TMEM266: variants seen among roughly 807,000 people sequenced by gnomAD.
TMEM266 encodes the protein transmembrane protein 266, also known as Hv1 related protein 1.
In TMEM266, 33 loss-of-function variants were observed where a neutral mutation model predicts 50.5. The ratio of observed to expected loss-of-function variants is 0.65; its 90% confidence interval spans 0.50 to 0.87. The LOEUF is 0.87. Ranked by LOEUF, TMEM266 falls within the 40% of genes least tolerant of loss-of-function variation. The probability of loss-of-function intolerance (pLI) is 0.00; values close to 1 mark genes in which losing one functional copy is unlikely to be tolerated. For synonymous variants in TMEM266, 310 were observed against 292.3 expected, an observed-to-expected ratio of 1.06 and a Z score of -0.62; for missense variants, 655 against 695.1, an observed-to-expected ratio of 0.94 and a Z score of 0.65.
intron 3 of TMEM266, among the ~76,000 whole-genome samples, chr15:76,146,392 A>G (rs2037756261): frequency 6.6e-6 from 1 of 152,196 alleles, no homozygotes; most frequent in South Asian, 2.1e-4. Flanking sequence ...TAAGACAGTT[A>G]TTTTATATCT....
rs368553691 is a variant in TMEM266, at chr15:76,171,031, G to A, written c.552G>A (p.Pro184=). The change falls in exon 7 of 11, where the codon CCG becomes CCA. Residue 184 remains proline, a synonymous_variant. Coordinates refer to ENST00000388942, the MANE Select transcript of TMEM266 (RefSeq NM_152335.3). Reference sequence around the variant, plus strand: ...CTGTGATCATCCTATCTTTGGCTCCGATGGTGGCATCCACTGTGGCCAATG... The same window carrying A: ...CTGTGATCATCCTATCTTTGGCTCCAATGGTGGCATCCACTGTGGCCAATG... The A allele has an allele frequency of 9.5e-5, 153 of 1,613,022 alleles. No homozygotes were observed. The highest frequency in any genetic ancestry group is 5.8e-4 in the South Asian group (53 of 90,726).
intron 1 of TMEM266, among the ~76,000 whole-genome samples, chr15:76,123,248 G>A (rs747928636): frequency 9.2e-5 from 14 of 152,322 alleles, no homozygotes; most frequent in Non-Finnish European, 1.6e-4. Context: ...TGTTAATGGA[G>A]TAAAATATTA....
chr15:76,163,628 C>A (rs2038049897), intron 5 of TMEM266, among the ~76,000 whole-genome samples: 1 of 152,204 alleles, frequency 6.6e-6, no homozygotes, highest in Non-Finnish European at 1.5e-5. Context: ...CCACTTGGAA[C>A]TGGGAAGCCT....
At position 76,165,251 on chromosome 15, in the gene TMEM266, T is replaced by A. The variant is rs2038077473; in HGVS notation, c.457-4565T>A. Among the ~76,000 whole-genome samples the A allele has an allele frequency of 2.6e-5, 4 of 152,280 alleles. No homozygotes were observed. In the South Asian group the frequency reaches 8.3e-4, roughly 32 times the overall value. On this transcript the variant is annotated intron_variant, in intron 5 of 10. Transcript: ENST00000388942. ...TGGAAGAGATGAGGGGAGTCCCTTC[T>A]TGAGAGCAGGGCTTGACCAGGAGCA...
chr15:76,112,311 T>C (rs1030603626), intron 1 of TMEM266, among the ~76,000 whole-genome samples: 3 of 152,196 alleles, frequency 2.0e-5, no homozygotes, highest in African/African-American at 7.2e-5. Context: ...TTAATAACAA[T>C]GTATCAATAT....
intron 7 of TMEM266, 180 bp from the exon 8 acceptor site, chr15:76,175,379 C>T (rs891041859): frequency 1.0e-5 from 6 of 576,812 alleles, no homozygotes; most frequent in African/African-American, 1.9e-5. Flanking sequence ...ACACCATGAG[C>T]GAAGGCTGTG....
chr15:76,156,382 A>AAAAGG (rs1305975786), intron 3 of TMEM266, among the ~76,000 whole-genome samples: 2 of 151,596 alleles, frequency 1.3e-5, no homozygotes, highest in African/African-American at 2.4e-5. Context: ...AAAAGAAAAG[A>AAAAGG]AAAAAAAAGT....
rs1318600986 is a variant in TMEM266, at chr15:76,139,087, T to C, written c.227+1192T>C. ...CTTTCCTGGGTGCCAGTAAACACTT[T>C]GGAACATGCTGGCTGCTTTGAATAT... On this transcript the variant is annotated intron_variant, in intron 3 of 10. Transcript: ENST00000388942. This position sits in a 1 kb window ranked among gnomAD's most constrained non-coding sequence, Gnocchi z 4.1. Among the ~76,000 whole-genome samples the C allele has an allele frequency of 6.6e-6, 1 of 152,162 alleles. No individual in the cohort carries two copies. The highest frequency in any genetic ancestry group is 6.5e-5 in the Admixed American group (1 of 15,270).
intron 8 of TMEM266, among the ~76,000 whole-genome samples, chr15:76,177,178 T>C (rs1254281154): frequency 1.3e-5 from 2 of 152,184 alleles, no homozygotes; most frequent in Admixed American, 6.5e-5. Flanking sequence ...TGGTCAGTGC[T>C]CCTTTATGCC....
intron 3 of TMEM266, among the ~76,000 whole-genome samples, chr15:76,146,574 C>T (rs1438387833): frequency 1.3e-5 from 2 of 152,050 alleles, no homozygotes; most frequent in Admixed American, 6.5e-5. Flanking sequence ...ATAATGGGGG[C>T]ACAGGGATAT....
At chr15:76,184,953 C>T (rs536766885) in intron 8 of TMEM266, among the ~76,000 whole-genome samples, 1 of 152,288 alleles carries the variant, frequency 6.6e-6, no homozygotes, top group Non-Finnish European at 1.5e-5. Flanking sequence ...CCACCGGGCC[C>T]ATTTGCCAAT....
At chr15:76,096,303 C>T (rs556657086) in intron 1 of TMEM266, among the ~76,000 whole-genome samples, 2 of 151,878 alleles carry the variant, frequency 1.3e-5, no homozygotes, top group Middle Eastern at 3.4e-3. Flanking sequence ...GATTCTGAAA[C>T]GTTGTGTTTT....
At chr15:76,166,086 A>G (rs1241414409) in intron 5 of TMEM266, among the ~76,000 whole-genome samples, 1 of 152,190 alleles carries the variant, frequency 6.6e-6, no homozygotes, top group African/African-American at 2.4e-5. Flanking sequence ...ATTGAGAAGC[A>G]CAGGCAGTCC....
intron 1 of TMEM266, among the ~76,000 whole-genome samples, chr15:76,120,161 T>C (rs73446414): frequency 0.025 from 3,822 of 151,972 alleles, 167 homozygotes; most frequent in African/African-American, 0.088. Context: ...AATACCAGTA[T>C]ATAATGAAAT....
At chr15:76,182,119 G>C (rs1045821024) in intron 8 of TMEM266, among the ~76,000 whole-genome samples, 3 of 152,180 alleles carry the variant, frequency 2.0e-5, no homozygotes, top group African/African-American at 7.2e-5. Flanking sequence ...TGGGAAAGGT[G>C]AGTCCCTTGT....
At position 76,156,645 on chromosome 15, in the gene TMEM266, T is replaced by C; in HGVS notation, c.269T>C (p.Val90Ala). 2.5e-6 allele frequency: 4 copies of C among 1,614,164 alleles called. No homozygotes were observed. The highest frequency in any genetic ancestry group is 3.4e-6 in the Non-Finnish European group (4 of 1,180,034). The change falls in exon 4 of 11, where the codon GTG becomes GCG. Residue 90 changes from valine to alanine, a missense_variant. This residue lies in a region of TMEM266 where 99 missense variants were observed against 110.8 expected (regional missense o/e 0.89). Transcript: ENST00000388942. ...CCGTGCTGTGGGAAGAGAGCAGCCG[T>C]GTGGCAGGTATTTTTGCTCAGTGCA...
intron 9 of TMEM266, among the ~76,000 whole-genome samples, chr15:76,198,066 GT>G (rs2038681410): frequency 6.6e-6 from 1 of 152,228 alleles, no homozygotes; most frequent in South Asian, 2.1e-4. Context: ...GGAGCCAGGG[GT>G]TCAGGGAGGC....
At chr15:76,200,663 G>A (rs1230558023) in intron 9 of TMEM266, among the ~76,000 whole-genome samples, 3 of 152,198 alleles carry the variant, frequency 2.0e-5, no homozygotes, top group Non-Finnish European at 4.4e-5. Context: ...GGCCCACAGG[G>A]CCTGGGGGTC....
intron 1 of TMEM266, among the ~76,000 whole-genome samples, chr15:76,133,866 C>T (rs1171491519): frequency 1.3e-5 from 2 of 152,130 alleles, no homozygotes; most frequent in African/African-American, 2.4e-5. Flanking sequence ...TTGGGGGGCA[C>T]AGCAGTTTAG....
Sources: gnomAD v4.1 joint callset for allele counts (sites outside exome capture counted in the v4.1 genomes callset) on GRCh38, gnomAD v4.1.1 for gene constraint, gnomAD v4.1.1 regional missense constraint, Gnocchi (gnomAD v3.1) non-coding constraint, MANE v1.5 for transcripts, NCBI Gene and HGNC (gene_info 2026-07-23, HGNC 2026-07-21) for gene names.